Variants in MRPL42 observed in about 807,000 individuals in gnomAD.
MRPL42 encodes mitochondrial ribosomal protein L42, also known as large ribosomal subunit protein mL42.
In MRPL42, 17 loss-of-function variants were observed where a neutral mutation model predicts 17.9. That is an observed-to-expected ratio of 0.95 (90% confidence interval 0.65 to 1.42). MRPL42 has a LOEUF of 1.42. Ranked by LOEUF, MRPL42 falls within the 40% of genes most tolerant of loss-of-function variation. The probability of loss-of-function intolerance (pLI) is 0.00; values close to 1 mark genes in which losing one functional copy is unlikely to be tolerated. For missense variants in MRPL42, 177 were observed against 175.2 expected, an observed-to-expected ratio of 1.01 and a Z score of -0.06; for synonymous variants, 59 against 54.4, an observed-to-expected ratio of 1.08 and a Z score of -0.37.
At chr12:93,468,778 A>T (rs1202983139) in intron 1 of MRPL42, among the ~76,000 whole-genome samples, 1 of 152,214 alleles carries the variant, frequency 6.6e-6, no homozygotes, top group Non-Finnish European at 1.5e-5. Context: ...TCATTTAATC[A>T]GAAACAGGAT....
intron 5 of MRPL42, among the ~76,000 whole-genome samples, chr12:93,491,066 T>C (rs1953402175): frequency 6.6e-6 from 1 of 152,098 alleles, no homozygotes; most frequent in Admixed American, 6.6e-5. Flanking sequence ...GTTTTTTGTA[T>C]TTTTAGTAGA....
At chr12:93,490,473 G>T (rs117496966) in intron 5 of MRPL42, among the ~76,000 whole-genome samples, 2,320 of 152,196 alleles carry the variant, frequency 0.015, 32 homozygotes, top group Middle Eastern at 0.037. Flanking sequence ...TTATCTGTAG[G>T]CCTTGTCCTT....
At chr12:93,500,471 T>G (rs1318762741) in intron 5 of MRPL42, among the ~76,000 whole-genome samples, 1 of 152,224 alleles carries the variant, frequency 6.6e-6, no homozygotes, top group East Asian at 1.9e-4. Context: ...TGTTCTGATT[T>G]GCAGTCCCTC....
intron 4 of MRPL42, among the ~76,000 whole-genome samples, chr12:93,483,871 A>T (rs1880582896): frequency 6.6e-6 from 1 of 152,154 alleles, no homozygotes; most frequent in Non-Finnish European, 1.5e-5. Context: ...ATACAAAAAT[A>T]TTTTCTTTAT....
chr12:93,471,669 A>G (rs1879917693), intron 2 of MRPL42, among the ~76,000 whole-genome samples: 2 of 152,126 alleles, frequency 1.3e-5, no homozygotes, highest in South Asian at 4.1e-4. Context: ...CCCATTTTTT[A>G]GGGCCCTAAA....
intron 5 of MRPL42, among the ~76,000 whole-genome samples, chr12:93,498,158 T>G (rs1953539840): frequency 7.1e-5 from 1 of 14,120 alleles, no homozygotes; most frequent in Non-Finnish European, 1.5e-4. Context: ...GTAAGATCCA[T>G]GAAAGTCGGG....
At chr12:93,491,920 C>T (rs1369340601) in intron 5 of MRPL42, among the ~76,000 whole-genome samples, 1 of 152,238 alleles carries the variant, frequency 6.6e-6, no homozygotes, top group Non-Finnish European at 1.5e-5. Context: ...CTTCCAGCTG[C>T]ATCTGTGCTG....
At chr12:93,485,188 G>T (rs1172088458) in intron 4 of MRPL42, among the ~76,000 whole-genome samples, 10 of 140,608 alleles carry the variant, frequency 7.1e-5, no homozygotes, top group Non-Finnish European at 1.5e-4. Flanking sequence ...ATTGACACAG[G>T]GTCTGTCTGT....
At chr12:93,492,058 T>C (rs139112300) in intron 5 of MRPL42, among the ~76,000 whole-genome samples, 6 of 152,360 alleles carry the variant, frequency 3.9e-5, no homozygotes, top group African/African-American at 1.4e-4. Context: ...TTTGCTGTTG[T>C]GAGTAGTGCT....
chr12:93,475,128 T>C (rs1592767128), intron 2 of MRPL42, among the ~76,000 whole-genome samples: 1 of 152,080 alleles, frequency 6.6e-6, no homozygotes, highest in East Asian at 1.9e-4. Context: ...TTGACCTTTT[T>C]TTTTTTGAGA....
chr12:93,471,074 G>C (rs1450599213), intron 2 of MRPL42, among the ~76,000 whole-genome samples: 3 of 152,158 alleles, frequency 2.0e-5, no homozygotes, highest in Non-Finnish European at 2.9e-5. Context: ...GTAATAAATA[G>C]GCAATTTGTT....
rs887504627 is a variant in MRPL42 at position 93,514,989 on chromosome 12, T to C, written c.*13768T>C. On this transcript the variant is annotated 3_prime_UTR_variant, in exon 6 of 6. Coordinates refer to ENST00000549982, the MANE Select transcript of MRPL42 (RefSeq NM_014050.4). ...AGGGAATCAGGATATCAAAATAGTC[T>C]CCAAACTCAGCTGATTCCTTCTGCA... 1 of 152,214 alleles carries C rather than the reference T, an allele frequency of 6.6e-6. No homozygotes were observed. Among genetic ancestry groups the C allele is most frequent in the African/African-American group, 2.4e-5 (1 of 41,460 alleles). 9.4% of individuals were successfully genotyped at this position (152,214 alleles called of 1,614,324 possible).
chr12:93,487,530 G>T lies in MRPL42; in HGVS notation c.253G>T (p.Glu85Ter), dbSNP rs903484723. 1 of 1,613,834 alleles carries T rather than the reference G, an allele frequency of 6.2e-7. No homozygotes were observed. Among genetic ancestry groups the T allele is most frequent in the African/African-American group, 1.3e-5 (1 of 75,024 alleles). Reference protein sequence around the residue: ...IPRPDPVHNNEETHDQVLKTR... With the variant: ...IPRPDPVHNN ...TCGGCCAGATCCTGTGCATAATAATGAAGAAACACATGATCAAGTGCTGAA... is the reference window on the plus strand; with the variant it reads ...TCGGCCAGATCCTGTGCATAATAATTAAGAAACACATGATCAAGTGCTGAA... Residue 85 changes from glutamate (E) to a stop codon, truncating the protein, a stop_gained, in exon 5 of 6, where the codon GAA (glutamate) becomes TAA (stop). Coordinates refer to ENST00000549982, the MANE Select transcript of MRPL42 (RefSeq NM_014050.4). LOFTEE classifies it high-confidence loss of function.
At chr12:93,495,748 G>A (rs1257316705) in intron 5 of MRPL42, among the ~76,000 whole-genome samples, 1 of 152,124 alleles carries the variant, frequency 6.6e-6, no homozygotes, top group Non-Finnish European at 1.5e-5. Context: ...TGCTGACCTT[G>A]ATTAAGAATC....
rs369549530 is a variant in MRPL42, at chr12:93,501,167, C to G, written c.384-9C>G. On this transcript the variant is annotated splice_polypyrimidine_tract_variant and intron_variant, in intron 5 of 5. Coordinates refer to ENST00000549982, the MANE Select transcript of MRPL42 (RefSeq NM_014050.4). The stretch of plus-strand genomic sequence containing the variant: ...ATCATCTTATTCCAAGTATTTTCTT[C>G]TTTTCAAGGTATCACAGATGTCGTA... 23 of 1,584,428 alleles carry G rather than the reference C, an allele frequency of 1.5e-5. No homozygotes were observed. The highest frequency in any genetic ancestry group is 1.3e-4 in the Admixed American group (7 of 54,850).
Position 93,479,431 on chromosome 12 carries a change from T to C in MRPL42, c.178T>C (p.Cys60Arg). 7 of 1,612,074 alleles carry C rather than the reference T, an allele frequency of 4.3e-6. No homozygotes were observed. Among genetic ancestry groups the C allele is most frequent in the Admixed American group, 3.3e-5 (2 of 59,758 alleles). The change falls in exon 4 of 6, where the codon TGC becomes CGC. Residue 60 changes from cysteine (C) to arginine (R), a missense_variant. By Grantham distance (180) the Cys-to-Arg change is radical (BLOSUM62 -3). Coordinates refer to ENST00000549982, the MANE Select transcript of MRPL42 (RefSeq NM_014050.4). ...ALTSDGRTIVCYHPSVDIPYE... is the reference protein window; with the variant it reads ...ALTSDGRTIVRYHPSVDIPYE... The stretch of plus-strand genomic sequence containing the variant: ...GACTTCTGATGGCAGGACAATAGTA[T>C]GCTACCACCCTTCTGTGGACATTCC...
chr12:93,476,220 G>T (rs994983107), intron 2 of MRPL42, among the ~76,000 whole-genome samples: 4 of 151,770 alleles, frequency 2.6e-5, no homozygotes, highest in African/African-American at 7.3e-5. Context: ...ACAGAGTTTC[G>T]CTCTTGCACA....
chr12:93,475,316 A>T (rs1212733998), intron 2 of MRPL42, among the ~76,000 whole-genome samples: 2 of 151,746 alleles, frequency 1.3e-5, no homozygotes, highest in Admixed American at 6.6e-5. Context: ...GGGTTTCACC[A>T]TGTTGGCCAG....
intron 4 of MRPL42, among the ~76,000 whole-genome samples, chr12:93,485,072 A>G (rs542278616): frequency 3.7e-5 from 5 of 135,738 alleles, no homozygotes; most frequent in East Asian, 4.5e-4. Flanking sequence ...GCTGGTCTCA[A>G]CCTCCTAGGC....
Sources: gnomAD v4.1 joint callset for allele counts (sites outside exome capture counted in the v4.1 genomes callset) on GRCh38, gnomAD v4.1.1 for gene constraint, MANE v1.5 for transcripts, NCBI Gene and HGNC (gene_info 2026-07-23, HGNC 2026-07-21) for gene names.